The following GRAMD1B variants were observed in gnomAD, a reference collection of about 807,000 sequenced individuals.
The protein encoded by GRAMD1B is GRAM domain containing 1B, also known as protein Aster-B.
Under a neutral mutation model 99.7 loss-of-function variants are expected in GRAMD1B, and 37 were observed. The observed-to-expected ratio is 0.37, with a 90% confidence interval of 0.29 to 0.49. The LOEUF is 0.49. Ranked by LOEUF, GRAMD1B falls within the 20% of genes least tolerant of loss-of-function variation. The pLI is 0.98. For synonymous variants in GRAMD1B, 427 were observed against 387.6 expected (o/e 1.10, Z -1.19); for missense variants, 888 against 1,009.2 (o/e 0.88, Z 1.63).
intron 1 of GRAMD1B, among the ~76,000 whole-genome samples, chr11:123,390,048 C>T (rs890258920): frequency 6.6e-6 from 1 of 151,474 alleles, no homozygotes; most frequent in Non-Finnish European, 1.5e-5. Context: ...TGAGCCACTG[C>T]ACCTGGCCAC....
At chr11:123,527,216 G>T (rs999075580) in intron 2 of GRAMD1B, among the ~76,000 whole-genome samples, 3 of 152,168 alleles carry the variant, frequency 2.0e-5, no homozygotes. Context: ...CTGAGTGAAA[G>T]GTTGATTTTC....
intron 3 of GRAMD1B, among the ~76,000 whole-genome samples, chr11:123,584,005 C>T (rs1451303285): frequency 6.6e-6 from 1 of 152,112 alleles, no homozygotes; most frequent in Non-Finnish European, 1.5e-5. Flanking sequence ...GCCCACAGCG[C>T]GCCCCTCACC....
intron 2 of GRAMD1B, among the ~76,000 whole-genome samples, chr11:123,565,344 G>A (rs1181598604): frequency 6.6e-6 from 1 of 151,988 alleles, no homozygotes; most frequent in Non-Finnish European, 1.5e-5. Flanking sequence ...TGGCCATAGA[G>A]GCAATTTTAA....
At chr11:123,374,665 C>G (rs761072955) in intron 1 of GRAMD1B, among the ~76,000 whole-genome samples, 11 of 152,202 alleles carry the variant, frequency 7.2e-5, no homozygotes, top group Non-Finnish European at 1.5e-5. Flanking sequence ...AAGCAATAGA[C>G]AGCGACCCTC....
intron 1 of GRAMD1B, among the ~76,000 whole-genome samples, chr11:123,422,097 T>C (rs1260787455): frequency 1.3e-5 from 2 of 152,172 alleles, no homozygotes; most frequent in Non-Finnish European, 2.9e-5. Context: ...AAATGCCATG[T>C]AGTCACTGGT....
chr11:123,603,973 A>G (rs764122878), intron 9 of GRAMD1B, among the ~76,000 whole-genome samples: 4 of 152,234 alleles, frequency 2.6e-5, no homozygotes, highest in Non-Finnish European at 5.9e-5. Flanking sequence ...TTTGAAGGAT[A>G]TGTTGATGGA....
intron 4 of GRAMD1B, among the ~76,000 whole-genome samples, chr11:123,593,074 A>G (rs1429800467): frequency 6.6e-6 from 1 of 152,054 alleles, no homozygotes; most frequent in Non-Finnish European, 1.5e-5. Flanking sequence ...TCTAGTAAAA[A>G]TACAAAAATT....
intron 1 of GRAMD1B, among the ~76,000 whole-genome samples, chr11:123,406,276 C>T (rs1244576027): frequency 5.4e-5 from 8 of 146,952 alleles, no homozygotes; most frequent in South Asian, 2.2e-4. Context: ...TTTTTTGAGA[C>T]GGAGTCTCAC....
At chr11:123,427,034 G>C (rs1384718991), upstream of GRAMD1B, among the ~76,000 whole-genome samples, 1 of 152,170 alleles carries the variant, frequency 6.6e-6, no homozygotes, top group African/African-American at 2.4e-5. Flanking sequence ...GGTTGTTCTG[G>C]TTACCACCTG....
intron 2 of GRAMD1B, among the ~76,000 whole-genome samples, chr11:123,515,573 C>T (rs909196706): frequency 2.0e-5 from 3 of 152,112 alleles, no homozygotes; most frequent in African/African-American, 7.2e-5. Context: ...GAGCCTTCTT[C>T]ATAGGGGAGT....
At chr11:123,494,189 C>CAT (rs1462998060) in intron 2 of GRAMD1B, among the ~76,000 whole-genome samples, 1 of 152,118 alleles carries the variant, frequency 6.6e-6, no homozygotes. Flanking sequence ...AATGAATAAC[C>CAT]ATATACGACT....
At chr11:123,609,669 A>C in intron 12 of GRAMD1B, 126 bp from the exon 13 acceptor site, 24 of 585,202 alleles carry the variant, frequency 4.1e-5, no homozygotes, top group Non-Finnish European at 3.1e-5. Context: ...TCGGGCTCCC[A>C]TTGGCTTCCT....
At chr11:123,448,029 T>C (rs966140649) in intron 1 of GRAMD1B, among the ~76,000 whole-genome samples, 5 of 146,082 alleles carry the variant, frequency 3.4e-5, no homozygotes, top group Non-Finnish European at 7.5e-5. Flanking sequence ...TTTATATATG[T>C]ATTTAAAAAA....
At chr11:123,412,046 T>G (rs1948070425) in intron 1 of GRAMD1B, among the ~76,000 whole-genome samples, 1 of 152,236 alleles carries the variant, frequency 6.6e-6, no homozygotes, top group South Asian at 2.1e-4. Flanking sequence ...TATATATATG[T>G]AATACATATA....
Position 123,605,361 on chromosome 11 carries a change from T to A in GRAMD1B, c.1206T>A (p.Asn402Lys). ...EEIPVEENEV[N>K]DSSSKSSIET... is the part of the protein sequence containing the mutation. ...TCCCTGTGGAAGAGAATGAAGTGAA[T>A]GACAGCTCATCCAAGAGCAGCATAG... Residue 402 changes from asparagine to lysine, a missense_variant, in exon 10 of 20, where the codon AAT (asparagine) becomes AAA (lysine). By Grantham distance (94) the Asn-to-Lys change is moderately conservative. Coordinates refer to ENST00000635736, the MANE Select transcript of GRAMD1B (RefSeq NM_001387025.1). 3 of 1,612,886 alleles carry A rather than the reference T, an allele frequency of 1.9e-6. No individual in the cohort carries two copies. Among genetic ancestry groups the A allele is most frequent in the Non-Finnish European group, 2.5e-6 (3 of 1,179,226 alleles).
intron 1 of GRAMD1B, chr11:123,460,329 T>C (rs1950350849): frequency 6.6e-6 from 1 of 152,188 alleles, no homozygotes; most frequent in African/African-American, 2.4e-5. Context: ...TAGTAGAAAA[T>C]ATAGTAGATG....
chr11:123,591,496 T>C lies in GRAMD1B; in HGVS notation c.685-2586T>C, dbSNP rs1950638601. 5 of 398,906 alleles carry C rather than the reference T, an allele frequency of 1.3e-5. No homozygotes were observed. The allele number at this position is 398,906 out of a possible 1,614,324, so 24.7% of individuals were successfully genotyped here. On this transcript the variant is annotated intron_variant, in intron 4 of 19. Coordinates refer to ENST00000635736, the MANE Select transcript of GRAMD1B (RefSeq NM_001387025.1). This position sits in a 1 kb window ranked among gnomAD's most constrained non-coding sequence, Gnocchi z 4.7. Reference sequence around the variant, plus strand: ...TGAAGCAGCTTGGCCATGCACCTGCTGCCGCTGAACACCGTTGCTGGCACG... The same window carrying C: ...TGAAGCAGCTTGGCCATGCACCTGCCGCCGCTGAACACCGTTGCTGGCACG...
intron 1 of GRAMD1B, among the ~76,000 whole-genome samples, chr11:123,455,603 A>G (rs902351456): frequency 2.0e-5 from 3 of 152,182 alleles, no homozygotes; most frequent in African/African-American, 7.2e-5. Flanking sequence ...AGTGATCTGC[A>G]TGGATTCTGT....
At chr11:123,426,604 C>T (rs1041994832), upstream of GRAMD1B, among the ~76,000 whole-genome samples, 2 of 151,994 alleles carry the variant, frequency 1.3e-5, no homozygotes, top group Non-Finnish European at 2.9e-5. Context: ...ATTGGCCGTT[C>T]GAATGTTGTG....
Sources: allele counts gnomAD v4.1 joint callset (sites outside exome capture counted in the v4.1 genomes callset), GRCh38; gene constraint gnomAD v4.1.1; non-coding constraint Gnocchi (gnomAD v3.1); transcripts MANE v1.5; gene names NCBI Gene and HGNC (gene_info 2026-07-23, HGNC 2026-07-21).